Variants in KDM5A observed in about 807,000 individuals in gnomAD.
KDM5A encodes lysine-specific demethylase 5A.
A neutral mutation model predicts 193.5 loss-of-function variants in KDM5A; 42 were observed. That is an observed-to-expected ratio of 0.22 (90% confidence interval 0.17 to 0.28). The LOEUF is 0.28. KDM5A is among the 10% of genes least tolerant of loss of function. The pLI, the probability that KDM5A is intolerant of heterozygous loss-of-function variation, is 1.00. For synonymous variants in KDM5A, 796 were observed against 718.1 expected, an observed-to-expected ratio of 1.11 and a Z score of -1.73; for missense variants, 1,692 against 2,055.1, an observed-to-expected ratio of 0.82 and a Z score of 3.42.
chr12:360,858 C>T (rs1363404260), intron 5 of KDM5A, among the ~76,000 whole-genome samples: 1 of 152,050 alleles, frequency 6.6e-6, no homozygotes, highest in Non-Finnish European at 1.5e-5. Context: ...AAAGATTTCT[C>T]AGTATGCTGA....
chr12:329,104 G>A (rs1943830657), intron 13 of KDM5A, 75 bp from the exon 14 acceptor site: 4 of 1,215,342 alleles, frequency 3.3e-6, no homozygotes, highest in Admixed American at 1.7e-5. Flanking sequence ...TACCCTCCAG[G>A]TCCTCCCTTT....
chr12:306,816 T>C (rs2137385960), intron 24 of KDM5A, 130 bp downstream of exon 24: 1 of 953,900 alleles, frequency 1.0e-6, no homozygotes, highest in Non-Finnish European at 1.6e-6. Flanking sequence ...GACTAAAAAC[T>C]CAGAACAGAT....
intron 24 of KDM5A, among the ~76,000 whole-genome samples, chr12:302,644 T>C (rs1943457792): frequency 6.6e-6 from 1 of 152,010 alleles, no homozygotes; most frequent in Admixed American, 6.6e-5. Flanking sequence ...ACAAAAGCAA[T>C]GGCAAAAAAG....
intron 2 of KDM5A, among the ~76,000 whole-genome samples, chr12:384,492 G>A (rs1308799697): frequency 6.6e-6 from 1 of 152,084 alleles, no homozygotes; most frequent in African/African-American, 2.4e-5. Flanking sequence ...ACCAGTCCTT[G>A]GTGCCAAAAA....
In KDM5A at chr12:309,083, G is replaced by A. The variant is rs11062341; in HGVS notation, c.3378+720C>T. On this transcript the variant is annotated intron_variant, in intron 22 of 27. Transcript: ENST00000399788. ...TCTAGGAAATTTAAAAGAAGGAAAA[G>A]GTTATAAAAGAAGTTCATTTTATTA... 5.9e-4 allele frequency among the ~76,000 whole-genome samples: 90 copies of A among 152,224 alleles called. 1 individual carries two copies. In the East Asian group the frequency reaches 0.014, roughly 24 times the overall value.
At position 307,060 on chromosome 12, in the gene KDM5A, A is replaced by G; in HGVS notation, c.3960T>C (p.Ala1320=). Residue 1320 remains alanine (A), a synonymous_variant, in exon 24 of 28, where the codon GCT becomes GCC. Transcript: ENST00000399788. The surrounding 1 kb of genome is among the most constrained non-coding windows in gnomAD (Gnocchi z 4.3). Reference sequence around the variant, plus strand: ...ACACACTGCTCACCACCCGGTTAAAAGCAGACTGCTGGAAACTAGGTAAGT... The same window carrying G: ...ACACACTGCTCACCACCCGGTTAAAGGCAGACTGCTGGAAACTAGGTAAGT... The part of the protein sequence containing the change: ...QGHLPSFQQS[A]FNRVVSSVSS... The G allele has an allele frequency of 2.5e-6, 4 of 1,614,198 alleles. No individual in the cohort carries two copies. In the South Asian group the frequency reaches 4.4e-5, roughly 18 times the overall value.
At chr12:311,928 G>C (rs1943591951) in intron 20 of KDM5A, among the ~76,000 whole-genome samples, 1 of 152,186 alleles carries the variant, frequency 6.6e-6, no homozygotes, top group African/African-American at 2.4e-5. Context: ...CAGCTACTTG[G>C]GAAGCTGAGG....
chr12:341,603 C>G (rs1436643814), intron 10 of KDM5A, among the ~76,000 whole-genome samples: 2 of 151,960 alleles, frequency 1.3e-5, no homozygotes, highest in African/African-American at 2.4e-5. Flanking sequence ...ACCAAAAGGC[C>G]ATAATAGAGA....
intron 26 of KDM5A, among the ~76,000 whole-genome samples, chr12:294,451 T>C (rs1219325397): frequency 6.6e-6 from 1 of 152,240 alleles, no homozygotes; most frequent in African/African-American, 2.4e-5. Flanking sequence ...TATAAGTGCC[T>C]TAAGTCTATT....
In KDM5A at chr12:309,872, CTTTTCT is replaced by C. The variant is rs776446437; in HGVS notation, c.3303_3308del (p.Glu1102_Lys1103del). The C allele has an allele frequency of 5.6e-6, 9 of 1,613,716 alleles. No homozygotes were observed. In the Admixed American group the frequency reaches 1.0e-4, roughly 18 times the overall value. On this transcript the variant is annotated inframe_deletion, in exon 22 of 28. Transcript: ENST00000399788. ...CACTCAGAGGCTCCAGGTCCAGATC[CTTTTCT>C]TTTTCTTTTTCTATTAGTTCTTTTA...
chr12:317,723 C>T lies in KDM5A; in HGVS notation c.2897+383G>A, dbSNP rs145877578. On this transcript the variant is annotated intron_variant, in intron 19 of 27. Coordinates refer to ENST00000399788, the MANE Select transcript of KDM5A (RefSeq NM_001042603.3). ...ACCCACTCTCCACTCTCTAGCAACGCTACCCCATGCGTGGGTCCAGACACA... is the reference window on the plus strand; with the variant it reads ...ACCCACTCTCCACTCTCTAGCAACGTTACCCCATGCGTGGGTCCAGACACA... Among the ~76,000 whole-genome samples, 127 of 152,322 alleles carry T rather than the reference C, an allele frequency of 8.3e-4. 1 individual carries two copies. Among genetic ancestry groups the T allele is most frequent in the African/African-American group, 3.0e-3 (123 of 41,580 alleles).
intron 3 of KDM5A, among the ~76,000 whole-genome samples, chr12:368,853 T>A (rs149449150): frequency 0.01 from 1,526 of 152,294 alleles, 17 homozygotes; most frequent in African/African-American, 0.034. Flanking sequence ...ATGAGGCTAC[T>A]GTGAGGACAA....
chr12:363,133 C>T, intron 4 of KDM5A, 36 bp from the exon 5 acceptor site: 1 of 1,613,016 alleles, frequency 6.2e-7, no homozygotes, highest in African/African-American at 1.3e-5. Flanking sequence ...AGCAGGTTCA[C>T]TGATAAGAAA....
At chr12:373,652 GTTCTT>G (rs1009932259) in intron 3 of KDM5A, among the ~76,000 whole-genome samples, 4 of 152,070 alleles carry the variant, frequency 2.6e-5, no homozygotes, top group African/African-American at 9.7e-5. Context: ...TCCTTCTCTA[GTTCTT>G]TTAATTGTGA....
At chr12:370,580 C>T (rs1039130187) in intron 3 of KDM5A, among the ~76,000 whole-genome samples, 20 of 150,794 alleles carry the variant, frequency 1.3e-4, no homozygotes, top group African/African-American at 4.9e-4. Context: ...AAAGTAGTAT[C>T]GCTCAAGACC....
rs186186884 is a variant in KDM5A, at chr12:306,056, G to A, written c.4074+890C>T. 3.9e-3 allele frequency among the ~76,000 whole-genome samples: 558 copies of A among 141,460 alleles called. 13 individuals are homozygous for A. The highest frequency in any genetic ancestry group is 0.034 in the Admixed American group (458 of 13,294). The allele number at this position is 141,460 out of a possible 152,430, so 92.8% of individuals were successfully genotyped here. A position where few individuals can be genotyped will look rare whatever the true frequency, so the allele number is the denominator to read the frequency against. On this transcript the variant is annotated intron_variant, in intron 24 of 27. Transcript: ENST00000399788. Reference sequence around the variant, plus strand: ...TGCAATCATGGCTCACTGCAGCCTCGACCTCCTAGGCTCAAAGCAATCCTC... The same window carrying A: ...TGCAATCATGGCTCACTGCAGCCTCAACCTCCTAGGCTCAAAGCAATCCTC...
chr12:349,605 G>A (rs1324840989), intron 10 of KDM5A, among the ~76,000 whole-genome samples: 1 of 152,058 alleles, frequency 6.6e-6, no homozygotes, highest in Non-Finnish European at 1.5e-5. Flanking sequence ...TGGGATTACA[G>A]GCGTGAGCCA....
At chr12:315,039 G>A (rs577973717) in intron 19 of KDM5A, among the ~76,000 whole-genome samples, 72 of 152,246 alleles carry the variant, frequency 4.7e-4, no homozygotes, top group Middle Eastern at 6.8e-3. Flanking sequence ...AAGTACTAGT[G>A]GCAGTATAGA....
At chr12:338,362 C>A (rs1197563850) in intron 10 of KDM5A, among the ~76,000 whole-genome samples, 1 of 152,196 alleles carries the variant, frequency 6.6e-6, no homozygotes, top group Non-Finnish European at 1.5e-5. Context: ...GCCTTCGGCA[C>A]TGAGTATCTA....
Sources: allele counts gnomAD v4.1 joint callset (sites outside exome capture counted in the v4.1 genomes callset), GRCh38; gene constraint gnomAD v4.1.1; non-coding constraint Gnocchi (gnomAD v3.1); transcripts MANE v1.5; gene names NCBI Gene and HGNC (gene_info 2026-07-23, HGNC 2026-07-21).